The following GRIN3A variants were observed in gnomAD, a reference collection of about 807,000 sequenced individuals.
The protein encoded by GRIN3A is glutamate ionotropic receptor NMDA type subunit 3A.
In GRIN3A, 47 loss-of-function variants were observed where a neutral mutation model predicts 92.4. The observed-to-expected ratio is 0.51, with a 90% CI of 0.40 to 0.65. GRIN3A has a LOEUF of 0.65. Among genes scored for constraint, GRIN3A ranks in the 30% least tolerant of loss-of-function variants. GRIN3A has a pLI of 0.00. For missense variants in GRIN3A, 1,324 were observed against 1,393.1 expected, an observed-to-expected ratio of 0.95 and a Z score of 0.79; for synonymous variants, 527 against 540.6, an observed-to-expected ratio of 0.97 and a Z score of 0.35.
At chr9:101,611,507 A>T (rs1247710567) in intron 6 of GRIN3A, among the ~76,000 whole-genome samples, 3 of 152,178 alleles carry the variant, frequency 2.0e-5, no homozygotes, top group Non-Finnish European at 4.4e-5. Flanking sequence ...TTTTGGGGGT[A>T]CGCTATTTGT....
chr9:101,736,692 T>A (rs1258141842), intron 1 of GRIN3A, among the ~76,000 whole-genome samples: 1 of 152,212 alleles, frequency 6.6e-6, no homozygotes, highest in Non-Finnish European at 1.5e-5. Context: ...ACCACTCTTC[T>A]CTACCTATGG....
At chr9:101,711,837 CAA>C (rs1185128539) in intron 1 of GRIN3A, among the ~76,000 whole-genome samples, 12 of 152,240 alleles carry the variant, frequency 7.9e-5, no homozygotes, top group African/African-American at 2.9e-4. Flanking sequence ...TCTCGACTTT[CAA>C]AAAATCTTTA....
chr9:101,586,467 C>T (rs1247224396), intron 6 of GRIN3A, among the ~76,000 whole-genome samples: 1 of 152,034 alleles, frequency 6.6e-6, no homozygotes, highest in Non-Finnish European at 1.5e-5. Context: ...ATCACAGAAG[C>T]TTCCTAGAAC....
At chr9:101,587,700 C>T (rs1466717809) in intron 6 of GRIN3A, among the ~76,000 whole-genome samples, 1 of 152,134 alleles carries the variant, frequency 6.6e-6, no homozygotes, top group African/African-American at 2.4e-5. Flanking sequence ...AGCTTTGTAT[C>T]ATCTCCTCTC....
In GRIN3A at chr9:101,571,960, A is replaced by G. The variant is rs575649239; in HGVS notation, c.*1214T>C. 2 of 152,430 alleles carry G rather than the reference A, an allele frequency of 1.3e-5. No individual in the cohort carries two copies. Among genetic ancestry groups the G allele is most frequent in the South Asian group, 4.1e-4 (2 of 4,832 alleles). The allele number at this position is 152,430 out of a possible 1,614,324, so 9.4% of individuals were successfully genotyped here. A position where few individuals can be genotyped will look rare whatever the true frequency, so the allele number is the denominator to read the frequency against. ...CTGCCTAAACTTGATATGCTGAGAA[A>G]GTGACACCTAAGCAGAGGGGAGGTT... On this transcript the variant is annotated 3_prime_UTR_variant, in exon 9 of 9. Coordinates refer to ENST00000361820, the MANE Select transcript of GRIN3A (RefSeq NM_133445.3).
chr9:101,597,999 A>G (rs2118822476), intron 6 of GRIN3A, among the ~76,000 whole-genome samples: 1 of 152,316 alleles, frequency 6.6e-6, no homozygotes, highest in South Asian at 2.1e-4. Flanking sequence ...AAACATTTTC[A>G]TACTGGTTGG....
chr9:101,621,385 G>A (rs990399950), intron 5 of GRIN3A, among the ~76,000 whole-genome samples: 26 of 151,926 alleles, frequency 1.7e-4, no homozygotes, highest in Admixed American at 1.0e-3. Flanking sequence ...TAATTTATAC[G>A]TATCCTTTTG....
chr9:101,654,602 T>C (rs972791054), intron 3 of GRIN3A, among the ~76,000 whole-genome samples: 3 of 151,736 alleles, frequency 2.0e-5, no homozygotes, highest in Admixed American at 6.6e-5. Context: ...GTGTACTCCC[T>C]TCAAGGTCTC....
At chr9:101,593,900 C>T (rs1828069559) in intron 6 of GRIN3A, 1 of 153,134 alleles carries the variant, frequency 6.5e-6, no homozygotes, top group Non-Finnish European at 1.5e-5. Flanking sequence ...GGATTCTGTC[C>T]CCTAAGAAAA....
At chr9:101,644,493 A>G (rs1312622078) in intron 3 of GRIN3A, among the ~76,000 whole-genome samples, 2 of 151,486 alleles carry the variant, frequency 1.3e-5, no homozygotes, top group Non-Finnish European at 3.0e-5. Context: ...GTGTGAATAC[A>G]TAGATATGTA....
intron 1 of GRIN3A, among the ~76,000 whole-genome samples, chr9:101,696,091 T>G (rs1431475999): frequency 1.3e-5 from 2 of 152,124 alleles, no homozygotes; most frequent in African/African-American, 4.8e-5. Context: ...ATAGGCGAAA[T>G]AGACCAGCAT....
At position 101,608,713 on chromosome 9, in the gene GRIN3A, C is replaced by T. The variant is rs771024894; in HGVS notation, c.2766+4663G>A. On this transcript the variant is annotated intron_variant, in intron 6 of 8. Coordinates refer to ENST00000361820, the MANE Select transcript of GRIN3A (RefSeq NM_133445.3). ...TGACTATCTCCCCAGTTTGTAGAAG[C>T]TGAGCCTCAAAATGCTCAAATAATA... Among the ~76,000 whole-genome samples, 3 of 152,160 alleles carry T rather than the reference C, an allele frequency of 2.0e-5. 1 individual carries two copies. The South Asian group carries it at 6.2e-4, about 32-fold the overall frequency.
intron 3 of GRIN3A, among the ~76,000 whole-genome samples, chr9:101,638,416 G>A (rs1308154701): frequency 6.6e-6 from 1 of 152,112 alleles, no homozygotes; most frequent in Non-Finnish European, 1.5e-5. Context: ...TTCATCTGGA[G>A]CAATCTATCC....
In GRIN3A at chr9:101,730,690, A is replaced by T. The variant is rs190251270; in HGVS notation, c.699+6591T>A. On this transcript the variant is annotated intron_variant, in intron 1 of 8. Coordinates refer to ENST00000361820, the MANE Select transcript of GRIN3A (RefSeq NM_133445.3). ...AATATTTTTCTGGCTCTCCTCACAA[A>T]GTAACTGTGAGGAAAAAATTATAAA... Among the ~76,000 whole-genome samples the T allele has an allele frequency of 2.0e-5, 3 of 152,204 alleles. No individual in the cohort carries two copies. In the East Asian group the frequency reaches 5.8e-4, roughly 29 times the overall value.
intron 6 of GRIN3A, among the ~76,000 whole-genome samples, chr9:101,603,691 C>T (rs769453878): frequency 5.3e-5 from 8 of 152,262 alleles, no homozygotes; most frequent in African/African-American, 1.4e-4. Flanking sequence ...GGATAACAAG[C>T]GGGCCAAAGA....
At chr9:101,661,220 T>A (rs1379473048) in intron 3 of GRIN3A, among the ~76,000 whole-genome samples, 1 of 151,912 alleles carries the variant, frequency 6.6e-6, no homozygotes, top group Non-Finnish European at 1.5e-5. Context: ...TGTGATATTG[T>A]CACCACTATT....
At chr9:101,706,385 T>G (rs895419270) in intron 1 of GRIN3A, among the ~76,000 whole-genome samples, 23 of 152,360 alleles carry the variant, frequency 1.5e-4, no homozygotes, top group Admixed American at 1.4e-3. Flanking sequence ...GGCCATGGTC[T>G]GTCTTCAGGA....
At chr9:101,717,229 GTGATTTT>G (rs962041587) in intron 1 of GRIN3A, among the ~76,000 whole-genome samples, 10 of 152,138 alleles carry the variant, frequency 6.6e-5, no homozygotes, top group Non-Finnish European at 1.2e-4. Context: ...ACTACCAAAT[GTGATTTT>G]TTTTTCCCAG....
chr9:101,718,941 GAATT>G (rs1197084707), intron 1 of GRIN3A, among the ~76,000 whole-genome samples: 10 of 152,144 alleles, frequency 6.6e-5, no homozygotes. Context: ...TTTTAAAAGT[GAATT>G]TATTTAGGTA....
Sources: allele counts gnomAD v4.1 joint callset (sites outside exome capture counted in the v4.1 genomes callset), GRCh38; gene constraint gnomAD v4.1.1; transcripts MANE v1.5; gene names NCBI Gene and HGNC (gene_info 2026-07-23, HGNC 2026-07-21).